The following NBPF26 variants were observed in gnomAD, a reference collection of about 807,000 sequenced individuals.
NBPF26 encodes the protein NBPF member 26, also known as NBPF family member NBPF26.
NBPF26 carries 79 observed loss-of-function variants against 119.6 expected under a neutral mutation model. The observed-to-expected ratio is 0.66, with a 90% CI of 0.55 to 0.80. The LOEUF (loss-of-function observed/expected upper bound fraction) is 0.80. Among genes scored for constraint, NBPF26 ranks in the 30% least tolerant of loss-of-function variants. NBPF26 has a pLI of 0.00. For missense variants in NBPF26, 800 were observed against 1,198.2 expected (o/e 0.67, Z 4.91); for synonymous variants, 299 against 457.7 (o/e 0.65, Z 4.43).
chr1:120,812,957 T>TAAA (rs1553271200), intron 10 of NBPF26, among the ~76,000 whole-genome samples: 62 of 113,438 alleles, frequency 5.5e-4, no homozygotes, highest in African/African-American at 2.8e-3. Flanking sequence ...ATAATAATAA[T>TAAA]AAATAAAAAT....
chr1:120,793,133 G>A lies in NBPF26; in HGVS notation c.416-28G>A. 3.9e-6 allele frequency: 4 copies of A among 1,027,474 alleles called. 1 individual carries two copies. The highest frequency in any genetic ancestry group is 5.5e-6 in the Non-Finnish European group (4 of 723,288). The allele number at this position is 1,027,474 out of a possible 1,614,324, so 63.6% of individuals were successfully genotyped here. On this transcript the variant is annotated intron_variant, in intron 3 of 29. Coordinates refer to ENST00000620612, the Ensembl canonical transcript of NBPF26. ...GGGCCATCTCCTATTTCTGTGGCCAGTACTGAGTTTTGTTATCCTTCCTTT... is the reference window on the plus strand; with the variant it reads ...GGGCCATCTCCTATTTCTGTGGCCAATACTGAGTTTTGTTATCCTTCCTTT...
At position 120,724,120 on chromosome 1, in the gene NBPF26, A is replaced by G. The variant is rs1309961506; in HGVS notation, c.-58A>G. On this transcript the variant is annotated 5_prime_UTR_variant, in exon 1 of 30. Transcript: ENST00000620612. ...CTATCGGGACCCCCTCCCCATGTGG[A>G]TCTGCCCAGGCGGCGGCGGCGGCGG... 32 of 1,347,214 alleles carry G rather than the reference A, an allele frequency of 2.4e-5. 5 individuals carry two copies. The East Asian group carries it at 6.1e-4, about 25-fold the overall frequency. 83.5% of individuals were successfully genotyped at this position (1,347,214 alleles called of 1,614,324 possible).
rs1308553239 is a variant in NBPF26 at position 120,806,358 on chromosome 1, G to A, written c.961+593G>A. Among the ~76,000 whole-genome samples the A allele has an allele frequency of 2.7e-5, 3 of 109,678 alleles. 1 individual carries two copies. Among genetic ancestry groups the A allele is most frequent in the African/African-American group, 1.4e-4 (3 of 21,258 alleles). The allele number at this position is 109,678 out of a possible 152,430, so 72.0% of individuals were successfully genotyped here. ...TCCTATAATCTCAGCACTTTGGGAG[G>A]CTGAGGCGGGCAGAGCACGAGGTCA... On this transcript the variant is annotated intron_variant, in intron 5 of 29. Transcript: ENST00000620612.
intron 7 of NBPF26, among the ~76,000 whole-genome samples, chr1:120,809,086 G>T (rs1205377515): frequency 0.011 from 1,224 of 109,916 alleles, 2 homozygotes; most frequent in African/African-American, 0.031. Context: ...AAGAATGAAG[G>T]TTCCCAGGCT....
At chr1:120,808,436 C>G in intron 6 of NBPF26, 109 bp from the exon 7 acceptor site, 1 of 1,030,240 alleles carries the variant, frequency 9.7e-7, no homozygotes. Flanking sequence ...TGCTGACCTT[C>G]TGTTTCAAGG....
chr1:120,764,143 A>T (rs1171641434), intron 2 of NBPF26, among the ~76,000 whole-genome samples: 1 of 112,760 alleles, frequency 8.9e-6, no homozygotes, highest in Non-Finnish European at 1.7e-5. Context: ...GCTACTCGGG[A>T]GGCTGAGGCA....
chr1:120,840,594 G>C lies in NBPF26; in HGVS notation c.*1G>C, dbSNP rs9441222. 1.6e-5 allele frequency: 24 copies of C among 1,462,754 alleles called. 3 individuals are homozygous for C. Among genetic ancestry groups the C allele is most frequent in the Non-Finnish European group, 2.2e-5 (24 of 1,085,228 alleles). 90.6% of individuals were successfully genotyped at this position (1,462,754 alleles called of 1,614,324 possible). A position where few individuals can be genotyped will look rare whatever the true frequency, so the allele number is the denominator to read the frequency against. ...GATGGGAGTCATATTCCCACAATAA[G>C]CAGCCCTTACTAAGCCGAGAGGTGT... On this transcript the variant is annotated 3_prime_UTR_variant, in exon 30 of 30. Coordinates refer to ENST00000620612, the Ensembl canonical transcript of NBPF26.
intron 23 of NBPF26, 61 bp from the exon 28 acceptor site, chr1:120,833,542 C>A: frequency 2.2e-6 from 1 of 454,358 alleles, no homozygotes; most frequent in Non-Finnish European, 3.7e-6. Flanking sequence ...TGAAATCTAG[C>A]TGGGGCTGTG....
rs1651843936 is a variant in NBPF26, at chr1:120,810,858, G to A, written c.1564+300G>A. Among the ~76,000 whole-genome samples the A allele has an allele frequency of 1.8e-5, 2 of 109,842 alleles. 1 individual carries two copies. The highest frequency in any genetic ancestry group is 5.2e-4 in the South Asian group (2 of 3,850). 72.1% of individuals were successfully genotyped at this position (109,842 alleles called of 152,430 possible). On this transcript the variant is annotated intron_variant, in intron 9 of 29. Transcript: ENST00000620612. ...AGTCCCAACTGCTCAGGAGACTTAG[G>A]TGGGAGGATGGGCTGAGATGATCCT...
chr1:120,789,994 G>A (rs1211535349), intron 3 of NBPF26, among the ~76,000 whole-genome samples: 2 of 80,820 alleles, frequency 2.5e-5, no homozygotes, highest in Non-Finnish European at 4.3e-5. Context: ...GGTGTGTTCT[G>A]CAAGATTCTG....
At chr1:120,780,001 T>C (rs1432448126) in intron 2 of NBPF26, among the ~76,000 whole-genome samples, 1 of 131,678 alleles carries the variant, frequency 7.6e-6, no homozygotes, top group Non-Finnish European at 1.6e-5. Flanking sequence ...AGGATGACTA[T>C]TAGGTTGATT....
At chr1:120,743,822 C>A (rs1291439948) in intron 1 of NBPF26, among the ~76,000 whole-genome samples, 2 of 127,330 alleles carry the variant, frequency 1.6e-5, no homozygotes, top group Admixed American at 8.1e-5. Context: ...GCACATTTAA[C>A]AAATAGGTTT....
intron 1 of NBPF26, among the ~76,000 whole-genome samples, chr1:120,758,922 C>T (rs1393709819): frequency 1.0e-5 from 1 of 96,104 alleles, no homozygotes; most frequent in Non-Finnish European, 1.9e-5. Context: ...CTCCTGCACC[C>T]CCAGCCTTCA....
In NBPF26 at chr1:120,819,166, T is replaced by A. The variant is rs1353946054; in HGVS notation, c.2423+992T>A. Among the ~76,000 whole-genome samples, 386 of 116,888 alleles carry A rather than the reference T, an allele frequency of 3.3e-3. 37 individuals are homozygous for A. Among genetic ancestry groups the A allele is most frequent in the Non-Finnish European group, 4.6e-3 (269 of 57,908 alleles). 76.7% of individuals were successfully genotyped at this position (116,888 alleles called of 152,430 possible). A position where few individuals can be genotyped will look rare whatever the true frequency, so the allele number is the denominator to read the frequency against. ...GCTTTATGAATCTGGGTGCTCCTGT[T>A]TAGGGTGCATATATATTTAGGATAG... On this transcript the variant is annotated intron_variant, in intron 15 of 29. Transcript: ENST00000620612.
intron 3 of NBPF26, among the ~76,000 whole-genome samples, chr1:120,792,490 A>T (rs1177191959): frequency 2.9e-5 from 3 of 104,922 alleles, no homozygotes; most frequent in Non-Finnish European, 1.8e-5. Flanking sequence ...TCACTAGGAA[A>T]ACAGAAGGGA....
intron 1 of NBPF26, among the ~76,000 whole-genome samples, chr1:120,756,525 G>A (rs1651082149): frequency 8.6e-6 from 1 of 116,658 alleles, no homozygotes; most frequent in African/African-American, 5.0e-5. Context: ...AATCATGTGA[G>A]ATAGACGACA....
rs1309898860 is a variant in NBPF26 at position 120,724,787 on chromosome 1, G to A, written c.73+537G>A. 4.7e-5 allele frequency among the ~76,000 whole-genome samples: 5 copies of A among 106,502 alleles called. 2 individuals carry two copies. The highest frequency in any genetic ancestry group is 2.6e-4 in the African/African-American group (5 of 19,542). 69.9% of individuals were successfully genotyped at this position (106,502 alleles called of 152,430 possible). A position where few individuals can be genotyped will look rare whatever the true frequency, so the allele number is the denominator to read the frequency against. On this transcript the variant is annotated intron_variant, in intron 1 of 29. Transcript: ENST00000620612. ...TTGGATGGGGACGGGGTTTTGCGGC[G>A]CGCCTGAGTTTTGACACTCCAACCC...
downstream of NBPF26, chr1:120,840,620 C>A: frequency 1.4e-6 from 2 of 1,456,074 alleles, no homozygotes; most frequent in South Asian, 1.2e-5. Context: ...CGAGAGGTGT[C>A]ATTCCTGCAG....
rs1391592303 is a variant in NBPF26, at chr1:120,817,196, C to A, written c.2371+369C>A. ...CTGTTTAAGGAAGCTGGCAGCCTTGCCTTTGTATTTGGAAATATTGTTCAC... is the reference window on the plus strand; with the variant it reads ...CTGTTTAAGGAAGCTGGCAGCCTTGACTTTGTATTTGGAAATATTGTTCAC... On this transcript the variant is annotated intron_variant, in intron 14 of 29. Transcript: ENST00000620612. Among the ~76,000 whole-genome samples, 2 of 116,620 alleles carry A rather than the reference C, an allele frequency of 1.7e-5. 1 individual carries two copies. The highest frequency in any genetic ancestry group is 1.0e-4 in the African/African-American group (2 of 19,894). The allele number at this position is 116,620 out of a possible 152,430, so 76.5% of individuals were successfully genotyped here. A position where few individuals can be genotyped will look rare whatever the true frequency, so the allele number is the denominator to read the frequency against.
Sources: gnomAD v4.1 joint callset for allele counts (sites outside exome capture counted in the v4.1 genomes callset) on GRCh38, gnomAD v4.1.1 for gene constraint, MANE v1.5 for transcripts, NCBI Gene and HGNC (gene_info 2026-07-23, HGNC 2026-07-21) for gene names.